The following CDH23 variants were observed in gnomAD, a reference collection of about 807,000 sequenced individuals.
CDH23 encodes cadherin-23.
Under a neutral mutation model 317.1 loss-of-function variants are expected in CDH23, and 189 were observed. That is an observed-to-expected ratio of 0.60 (90% CI 0.53 to 0.67). The LOEUF is 0.67. CDH23 is among the 30% of genes least tolerant of loss of function. The pLI is 0.00. For synonymous variants in CDH23, 1,839 were observed against 1,876.8 expected, an observed-to-expected ratio of 0.98 and a Z score of 0.52; for missense variants, 4,401 against 4,592.4, an observed-to-expected ratio of 0.96 and a Z score of 1.20.
chr10:71,778,643 T>C (rs1353503259), intron 40 of CDH23, among the ~76,000 whole-genome samples: 53 of 152,210 alleles, frequency 3.5e-4, no homozygotes, highest in Admixed American at 3.4e-3. Flanking sequence ...CCTGCTTCCA[T>C]TTCCTCATCT....
rs75489660 is a variant in CDH23 at position 71,720,795 on chromosome 10, C to T, written c.3370-3250C>T. ...TCCTCTTCTGAGAGAAAAGAGCCCC[C>T]GTCTTCTCTCAGATGACCAAACTGA... is the stretch of plus-strand genomic sequence containing the variant. On this transcript the variant is annotated intron_variant, in intron 28 of 69. Coordinates refer to ENST00000224721, the MANE Select transcript of CDH23 (RefSeq NM_022124.6). 3.1e-3 allele frequency among the ~76,000 whole-genome samples: 467 copies of T among 152,310 alleles called. 1 individual carries two copies. The highest frequency in any genetic ancestry group is 0.01 in the African/African-American group (431 of 41,564).
intron 38 of CDH23, among the ~76,000 whole-genome samples, chr10:71,742,402 G>A (rs1162515128): frequency 6.6e-6 from 1 of 152,200 alleles, no homozygotes; most frequent in African/African-American, 2.4e-5. Context: ...GGGTGGGAAG[G>A]GATTCGTGTC....
At chr10:71,654,629 C>T (rs770127665) in intron 14 of CDH23, among the ~76,000 whole-genome samples, 4 of 152,140 alleles carry the variant, frequency 2.6e-5, no homozygotes, top group Non-Finnish European at 4.4e-5. Flanking sequence ...ACAGAGGGCC[C>T]GGAGGATCCA....
intron 3 of CDH23, among the ~76,000 whole-genome samples, chr10:71,479,727 G>C (rs6480525): frequency 0.5 from 76,618 of 151,824 alleles, 20,625 homozygotes; most frequent in African/African-American, 0.69. Flanking sequence ...AGGATCAGGG[G>C]CAGGGAAACC....
intron 6 of CDH23, among the ~76,000 whole-genome samples, chr10:71,546,476 G>T (rs993454580): frequency 2.0e-5 from 3 of 152,170 alleles, no homozygotes; most frequent in African/African-American, 7.2e-5. Flanking sequence ...TGCAGAATGT[G>T]GGCTCTGGGA....
chr10:71,494,145 C>T lies in CDH23; in HGVS notation c.146-15937C>T, dbSNP rs138767328. ...GCACCTGCTTGGGATTACCATAAAT[C>T]GCAAGCAGCAAAGTGCCAAGCTCAT... On this transcript the variant is annotated intron_variant, in intron 3 of 69. Transcript: ENST00000224721. Among the ~76,000 whole-genome samples, 398 of 152,270 alleles carry T rather than the reference C, an allele frequency of 2.6e-3. 2 individuals carry two copies. The highest frequency in any genetic ancestry group is 9.1e-3 in the African/African-American group (378 of 41,540).
At chr10:71,687,747 G>T (rs1192720788) in intron 19 of CDH23, 28 bp downstream of exon 19, 1 of 1,604,882 alleles carries the variant, frequency 6.2e-7, no homozygotes, top group Admixed American at 1.7e-5. Flanking sequence ...GGGGTGGGGG[G>T]CACATGGAGG....
chr10:71,669,277 G>C (rs1864043228), intron 14 of CDH23, among the ~76,000 whole-genome samples: 1 of 152,220 alleles, frequency 6.6e-6, no homozygotes. Context: ...CTGTCCCATA[G>C]ACTGGCATAC....
chr10:71,704,832 A>G (rs891862054), intron 24 of CDH23, 79 bp from the exon 25 acceptor site: 9 of 1,118,294 alleles, frequency 8.0e-6, no homozygotes, highest in East Asian at 4.9e-5. Context: ...CTTGGCAGGG[A>G]GGAGGAGCAC....
intron 14 of CDH23, among the ~76,000 whole-genome samples, chr10:71,650,268 G>A (rs150495598): frequency 6.3e-4 from 96 of 152,246 alleles, no homozygotes; most frequent in Middle Eastern, 3.4e-3. Flanking sequence ...AGAGATATTC[G>A]AGCACTTTGC....
rs143410778 is a variant in CDH23 at position 71,602,030 on chromosome 10, G to A, written c.833-13474G>A. 2.0e-5 allele frequency among the ~76,000 whole-genome samples: 3 copies of A among 152,282 alleles called. No homozygotes were observed. The East Asian group carries it at 5.8e-4, about 29-fold the overall frequency. On this transcript the variant is annotated intron_variant, in intron 9 of 69. Transcript: ENST00000224721. ...TCATTCGGGCTGGTTCAGCCAGCTG[G>A]TGGCCAGTTTCTATGAAGATAACTG...
chr10:71,444,169 C>T (rs746013003), intron 2 of CDH23, among the ~76,000 whole-genome samples: 24 of 152,256 alleles, frequency 1.6e-4, no homozygotes, highest in Non-Finnish European at 2.8e-4. Flanking sequence ...GCAAAGGCAG[C>T]GTATTTATTA....
chr10:71,793,682 A>G (rs1226343117), intron 48 of CDH23, 42 bp downstream of exon 48: 1 of 1,406,806 alleles, frequency 7.1e-7, no homozygotes, highest in Non-Finnish European at 9.6e-7. Context: ...CCCAGCTCCC[A>G]GTCCTGTCTC....
chr10:71,732,483 ATGGCCAAGTG>A, intron 32 of CDH23, 108 bp downstream of exon 32: 5 of 1,476,902 alleles, frequency 3.4e-6, no homozygotes, highest in Non-Finnish European at 4.6e-6. Flanking sequence ...TGTCCTTGAG[ATGGCCAAGTG>A]TGGTGTTAGG....
At chr10:71,701,568 C>T (rs1386888955) in intron 22 of CDH23, among the ~76,000 whole-genome samples, 1 of 152,026 alleles carries the variant, frequency 6.6e-6, no homozygotes, top group Non-Finnish European at 1.5e-5. Flanking sequence ...TACCTCCCTT[C>T]CAGGGAGCTC....
chr10:71,704,817 T>A, intron 24 of CDH23, 94 bp from the exon 25 acceptor site: 1 of 976,984 alleles, frequency 1.0e-6, no homozygotes, highest in Middle Eastern at 2.4e-4. Context: ...TGCAGCCAAG[T>A]GTGGCTTGGC....
At chr10:71,425,371 A>AAG (rs370641849) in intron 1 of CDH23, among the ~76,000 whole-genome samples, 2 of 82,418 alleles carry the variant, frequency 2.4e-5, no homozygotes, top group African/African-American at 9.5e-5. Flanking sequence ...AAGAGAGAGG[A>AAG]GAAGGAAGGA....
At chr10:71,755,813 G>C (rs941650669) in intron 38 of CDH23, among the ~76,000 whole-genome samples, 1 of 152,174 alleles carries the variant, frequency 6.6e-6, no homozygotes, top group South Asian at 2.1e-4. Context: ...AGGGAGAGCA[G>C]GGCCTTCGCA....
chr10:71,799,816 CCTTT>C (rs1443940127), intron 52 of CDH23, among the ~76,000 whole-genome samples, 187 bp downstream of exon 52: 3 of 152,208 alleles, frequency 2.0e-5, no homozygotes, highest in African/African-American at 4.8e-5. Context: ...TAGACTGTGG[CCTTT>C]CTGTCTCAAC....
Sources: gnomAD v4.1 joint callset for allele counts (sites outside exome capture counted in the v4.1 genomes callset) on GRCh38, gnomAD v4.1.1 for gene constraint, MANE v1.5 for transcripts, NCBI Gene and HGNC (gene_info 2026-07-23, HGNC 2026-07-21) for gene names.